The following NRBF2 variants were observed in gnomAD, a reference collection of about 807,000 sequenced individuals.
NRBF2 encodes nuclear receptor-binding factor 2.
A neutral mutation model predicts 28.5 loss-of-function variants in NRBF2; 12 were observed. The observed-to-expected ratio is 0.42, with a 90% confidence interval of 0.27 to 0.68. NRBF2 has a LOEUF of 0.68. Among genes scored for constraint, NRBF2 ranks in the 30% least tolerant of loss-of-function variants. The probability of loss-of-function intolerance (pLI) is 0.24; values close to 1 mark genes in which losing one functional copy is unlikely to be tolerated. For missense variants in NRBF2, 274 were observed against 333.5 expected (o/e 0.82, Z 1.39); for synonymous variants, 102 against 116.5 (o/e 0.88, Z 0.80).
At chr10:63,133,691 C>T (rs949719267) in intron 1 of NRBF2, among the ~76,000 whole-genome samples, 191 bp downstream of exon 1, 1 of 152,164 alleles carries the variant, frequency 6.6e-6, no homozygotes, top group African/African-American at 2.4e-5. Flanking sequence ...TCAGACTTTG[C>T]CCTCCTGGGG....
At chr10:63,153,103 C>T (rs1259818838) in intron 3 of NRBF2, among the ~76,000 whole-genome samples, 1 of 152,222 alleles carries the variant, frequency 6.6e-6, no homozygotes, top group Non-Finnish European at 1.5e-5. Flanking sequence ...ACTAGTTTCT[C>T]AAACTGAACC....
chr10:63,150,829 G>A (rs1841636836), intron 2 of NRBF2, among the ~76,000 whole-genome samples: 1 of 152,196 alleles, frequency 6.6e-6, no homozygotes, highest in African/African-American at 2.4e-5. Flanking sequence ...CAGATCATCA[G>A]GTATTAGATT....
chr10:63,151,806 T>C (rs1440164778), intron 2 of NRBF2, among the ~76,000 whole-genome samples: 1 of 152,212 alleles, frequency 6.6e-6, no homozygotes, highest in Non-Finnish European at 1.5e-5. Flanking sequence ...AATCTCATGA[T>C]ATTTTTGTGA....
intron 1 of NRBF2, among the ~76,000 whole-genome samples, chr10:63,138,070 C>T (rs1841401626): frequency 6.6e-6 from 1 of 152,086 alleles, no homozygotes; most frequent in Admixed American, 6.6e-5. Flanking sequence ...TGGCTCATGC[C>T]TGTAATCCCA....
chr10:63,143,122 A>G (rs1841501361), intron 1 of NRBF2, among the ~76,000 whole-genome samples: 1 of 152,252 alleles, frequency 6.6e-6, no homozygotes, highest in Non-Finnish European at 1.5e-5. Flanking sequence ...TCCCAGGCAT[A>G]TGTTAAGACT....
chr10:63,142,100 A>G (rs1841478669), intron 1 of NRBF2, among the ~76,000 whole-genome samples: 2 of 152,198 alleles, frequency 1.3e-5, no homozygotes, highest in South Asian at 4.1e-4. Context: ...ATGGAGCTAC[A>G]TAAATATCCA....
intron 1 of NRBF2, among the ~76,000 whole-genome samples, chr10:63,138,726 A>G (rs1841415932): frequency 1.2e-5 from 1 of 86,194 alleles, no homozygotes; most frequent in Admixed American, 1.0e-4. Context: ...CCTGGGCGAC[A>G]GAGCGAGACT....
intron 1 of NRBF2, 27 bp downstream of exon 1, chr10:63,133,527 C>G: frequency 6.4e-7 from 1 of 1,555,064 alleles, no homozygotes; most frequent in South Asian, 1.1e-5. Flanking sequence ...ATATAGCGTT[C>G]GTCTTGGGTG....
At position 63,154,087 on chromosome 10, in the gene NRBF2, A is replaced by G. The variant is rs778088279; in HGVS notation, c.733A>G (p.Lys245Glu). 4.3e-6 allele frequency: 7 copies of G among 1,613,906 alleles called. No homozygotes were observed. The highest frequency in any genetic ancestry group is 5.9e-6 in the Non-Finnish European group (7 of 1,179,852). ...TGCTACAGCCTCCTCAACCTGGCAG[A>G]AGTTCGCAGCAAATACTGGGAAAGC... is the stretch of plus-strand genomic sequence containing the variant. Reference protein sequence around the residue: ...ETATASSTWQKFAANTGKAKD... With the variant: ...ETATASSTWQEFAANTGKAKD... Residue 245 changes from lysine to glutamate, a missense_variant, in exon 4 of 4, where the codon AAG (lysine) becomes GAG (glutamate). Physicochemically the swap from Lys to Glu is moderately conservative, Grantham distance 56 (BLOSUM62 1). Coordinates refer to ENST00000277746, the MANE Select transcript of NRBF2 (RefSeq NM_030759.5).
rs1841711605 is a variant in NRBF2 at position 63,154,935 on chromosome 10, A to C, written c.*717A>C. 1 of 152,576 alleles carries C rather than the reference A, an allele frequency of 6.6e-6. No homozygotes were observed. The highest frequency in any genetic ancestry group is 2.4e-5 in the African/African-American group (1 of 41,444). The allele number at this position is 152,576 out of a possible 1,614,324, so 9.5% of individuals were successfully genotyped here. A position where few individuals can be genotyped will look rare whatever the true frequency, so the allele number is the denominator to read the frequency against. ...CATCATTTGAAAATACCAAGGAGGAAATACCCTTTGTTTTTAATGATGCAA... is the reference window on the plus strand; with the variant it reads ...CATCATTTGAAAATACCAAGGAGGACATACCCTTTGTTTTTAATGATGCAA... On this transcript the variant is annotated 3_prime_UTR_variant, in exon 4 of 4. Coordinates refer to ENST00000277746, the MANE Select transcript of NRBF2 (RefSeq NM_030759.5).
At position 63,133,441 on chromosome 10, in the gene NRBF2, T is replaced by G. The variant is rs895473412; in HGVS notation, c.-30T>G. The G allele has an allele frequency of 6.2e-7, 1 of 1,611,148 alleles. No homozygotes were observed. The highest frequency in any genetic ancestry group is 1.7e-5 in the Admixed American group (1 of 59,720). On this transcript the variant is annotated 5_prime_UTR_variant, in exon 1 of 4. Transcript: ENST00000277746. ...ATGTTCCCCGGCGCCACTACTCCCC[T>G]TCCTAAGGCCGCCGCTTACCCCGGG... is the stretch of plus-strand genomic sequence containing the variant.
intron 1 of NRBF2, among the ~76,000 whole-genome samples, chr10:63,135,313 C>G (rs1841358380): frequency 6.6e-6 from 1 of 152,170 alleles, no homozygotes; most frequent in Non-Finnish European, 1.5e-5. Flanking sequence ...CAGCTGTTTA[C>G]GAAGTGCTTC....
intron 3 of NRBF2, 71 bp downstream of exon 3, chr10:63,152,261 A>G (rs1278043090): frequency 3.0e-5 from 35 of 1,179,502 alleles, no homozygotes; most frequent in African/African-American, 4.6e-5. Context: ...ATTGTGTGTA[A>G]AGCAAAGCAT....
intron 1 of NRBF2, among the ~76,000 whole-genome samples, chr10:63,140,143 A>T (rs1014057750): frequency 4.0e-5 from 6 of 151,750 alleles, no homozygotes; most frequent in African/African-American, 1.5e-4. Context: ...CCATCTCAAA[A>T]AAAACAGCAA....
In NRBF2 at chr10:63,145,763, G is replaced by T. The variant is rs143965298; in HGVS notation, c.31-446G>T. Among the ~76,000 whole-genome samples, 405 of 152,284 alleles carry T rather than the reference G, an allele frequency of 2.7e-3. 3 individuals carry two copies. In the South Asian group the frequency reaches 0.036, roughly 14 times the overall value. ...GAAAGAATGAGATGATAGAAGAGAA[G>T]CTTGGATTTTACTACATGATGAGTG... On this transcript the variant is annotated intron_variant, in intron 1 of 3. Coordinates refer to ENST00000277746, the MANE Select transcript of NRBF2 (RefSeq NM_030759.5).
chr10:63,135,745 T>C (rs1841365794), intron 1 of NRBF2, among the ~76,000 whole-genome samples: 1 of 151,744 alleles, frequency 6.6e-6, no homozygotes, highest in African/African-American at 2.4e-5. Flanking sequence ...CTCCCTGGTT[T>C]AAGCGATTCT....
chr10:63,144,581 AT>A (rs1394960038), intron 1 of NRBF2, among the ~76,000 whole-genome samples: 1 of 151,182 alleles, frequency 6.6e-6, no homozygotes, highest in Non-Finnish European at 1.5e-5. Flanking sequence ...CGCCTGGCTA[AT>A]TTTTTTTGTA....
chr10:63,146,138 G>T (rs929083156), intron 1 of NRBF2, 71 bp from the exon 2 acceptor site: 1 of 1,113,510 alleles, frequency 9.0e-7, no homozygotes, highest in Non-Finnish European at 1.4e-6. Flanking sequence ...TTCTTAAAAG[G>T]TAGTTGCTTT....
At position 63,154,276 on chromosome 10, in the gene NRBF2, C is replaced by A; in HGVS notation, c.*58C>A. On this transcript the variant is annotated 3_prime_UTR_variant, in exon 4 of 4. Coordinates refer to ENST00000277746, the MANE Select transcript of NRBF2 (RefSeq NM_030759.5). ...AATAATACAGTAATCGTTAATCCAG[C>A]AAAAAGAAATGAAAAGGGAAAACCA... is the stretch of plus-strand genomic sequence containing the variant. The A allele has an allele frequency of 1.8e-6, 2 of 1,140,412 alleles. No individual in the cohort carries two copies. The highest frequency in any genetic ancestry group is 2.5e-6 in the Non-Finnish European group (2 of 791,842). 70.6% of individuals were successfully genotyped at this position (1,140,412 alleles called of 1,614,324 possible). A position where few individuals can be genotyped will look rare whatever the true frequency, so the allele number is the denominator to read the frequency against.
Sources: allele counts gnomAD v4.1 joint callset (sites outside exome capture counted in the v4.1 genomes callset), GRCh38; gene constraint gnomAD v4.1.1; transcripts MANE v1.5; gene names NCBI Gene and HGNC (gene_info 2026-07-23, HGNC 2026-07-21).